Variants in TMEM272 observed in about 807,000 individuals in gnomAD.
TMEM272 encodes long intergenic non-protein coding RNA 282.
In TMEM272, 8 loss-of-function variants were observed where a neutral mutation model predicts 3.7. The observed-to-expected ratio is 2.17, with a 90% CI of 1.27 to 3.91. The LOEUF is 3.91. TMEM272 is among the 30% of genes most tolerant of loss of function. The pLI is 0.00. For missense variants in TMEM272, 166 were observed against 91.5 expected, an observed-to-expected ratio of 1.81 and a Z score of -3.32; for synonymous variants, 63 against 39.8, an observed-to-expected ratio of 1.58 and a Z score of -2.20.
At chr13:51,842,690 G>A (rs1956272744) in intron 1 of TMEM272, among the ~76,000 whole-genome samples, 1 of 152,168 alleles carries the variant, frequency 6.6e-6, no homozygotes, top group African/African-American at 2.4e-5. Flanking sequence ...TTACATGGTT[G>A]CAATAATCAG....
chr13:51,898,323 T>C, the TMEM272 span, among the ~76,000 whole-genome samples: 2 of 152,146 alleles, frequency 1.3e-5, no homozygotes, highest in Admixed American at 6.5e-5. Flanking sequence ...CCTGGGGATT[T>C]TTCTCCTGAC....
the TMEM272 span, among the ~76,000 whole-genome samples, chr13:51,903,942 C>CGTGTGTGTGTGTGTGTGTGT: frequency 0.25 from 33,447 of 136,232 alleles, 4,934 homozygotes; most frequent in Middle Eastern, 0.32. Context: ...CAGTCTTCCA[C>CGTGTGTGTGTGTGTGTGTGT]GTGTGTGTGT....
chr13:51,871,608 A>G, the TMEM272 span, among the ~76,000 whole-genome samples: 2 of 152,064 alleles, frequency 1.3e-5, no homozygotes, highest in African/African-American at 4.8e-5. Context: ...GAACCTCCAG[A>G]CTGAGCCAGA....
At chr13:51,858,074 G>A in the TMEM272 span, among the ~76,000 whole-genome samples, 1 of 152,150 alleles carries the variant, frequency 6.6e-6, no homozygotes, top group Non-Finnish European at 1.5e-5. Flanking sequence ...TGTAAAATAT[G>A]CATGTATCTA....
chr13:51,839,508 G>A (rs2139585789), intron 1 of TMEM272, among the ~76,000 whole-genome samples: 1 of 152,274 alleles, frequency 6.6e-6, no homozygotes, highest in East Asian at 1.9e-4. Flanking sequence ...CCAGGAACCT[G>A]TCCAGAGTAG....
At chr13:51,903,768 C>T in the TMEM272 span, among the ~76,000 whole-genome samples, 25,878 of 152,064 alleles carry the variant, frequency 0.17, 2,386 homozygotes, top group Middle Eastern at 0.26. Context: ...CCCCAGAATG[C>T]CCAAACTTTA....
chr13:51,867,492 G>A, the TMEM272 span, among the ~76,000 whole-genome samples: 3 of 152,138 alleles, frequency 2.0e-5, no homozygotes, highest in Non-Finnish European at 4.4e-5. Context: ...GAGCTAGGGA[G>A]AGGAGAGGAC....
chr13:51,911,300 A>C, the TMEM272 span, among the ~76,000 whole-genome samples: 15 of 152,204 alleles, frequency 9.9e-5, no homozygotes, highest in Admixed American at 9.8e-4. Context: ...AACTCCTTCC[A>C]GGAAAGGGCT....
the TMEM272 span, among the ~76,000 whole-genome samples, chr13:51,864,823 A>G: frequency 2.8e-4 from 42 of 151,882 alleles, no homozygotes; most frequent in Non-Finnish European, 5.1e-4. Flanking sequence ...ATCGTCTCTC[A>G]CCTTTTTGTT....
Position 51,816,776 on chromosome 13 carries a change from C to G in TMEM272, c.539G>C (p.Trp180Ser). 1 of 700,348 alleles carries G rather than the reference C, an allele frequency of 1.4e-6. No individual in the cohort carries two copies. 43.4% of individuals were successfully genotyped at this position (700,348 alleles called of 1,614,324 possible). Residue 180 changes from tryptophan to serine, a missense_variant, in exon 5 of 5, where the codon TGG becomes TCG. Physicochemically the swap from Trp to Ser is radical, Grantham distance 177. Coordinates refer to ENST00000629372, the MANE Select transcript of TMEM272 (RefSeq NM_001351003.2). ...CSGCVYLCSR[W>S]RLAADED ...TCAGTCTTCATCGGCAGCAAGTCTC[C>G]ACCTGGAGCACAGGTAGACACAGCC... is the stretch of plus-strand genomic sequence containing the variant.
chr13:51,845,918 G>A (rs143849616), upstream of TMEM272, among the ~76,000 whole-genome samples: 17 of 152,316 alleles, frequency 1.1e-4, no homozygotes, highest in Middle Eastern at 3.4e-3. Flanking sequence ...AGAAACTGGC[G>A]TCACATGACT....
chr13:51,877,109 A>G, the TMEM272 span, among the ~76,000 whole-genome samples: 1 of 152,222 alleles, frequency 6.6e-6, no homozygotes, highest in African/African-American at 2.4e-5. Flanking sequence ...GATAGAAAAC[A>G]AGTAGCTTGG....
chr13:51,833,139 G>C (rs1566347442), intron 2 of TMEM272, among the ~76,000 whole-genome samples: 1 of 152,246 alleles, frequency 6.6e-6, no homozygotes, highest in East Asian at 1.9e-4. Flanking sequence ...AAGCCCAGAG[G>C]AAACAAAAGA....
rs1195449874 is a variant in TMEM272, at chr13:51,844,621, T to C, written c.-24+395A>G. Among the ~76,000 whole-genome samples the C allele has an allele frequency of 2.6e-5, 4 of 152,138 alleles. No individual in the cohort carries two copies. In the East Asian group the frequency reaches 7.7e-4, roughly 29 times the overall value. Reference sequence around the variant, plus strand: ...GGCTCCTAGGAAATGAAAAATGCACTTCCTTTGAGCTCTACCACCCCTTTA... The same window carrying C: ...GGCTCCTAGGAAATGAAAAATGCACCTCCTTTGAGCTCTACCACCCCTTTA... On this transcript the variant is annotated intron_variant, in intron 1 of 4. Transcript: ENST00000629372.
the TMEM272 span, among the ~76,000 whole-genome samples, chr13:51,927,205 T>C: frequency 6.6e-6 from 1 of 152,166 alleles, no homozygotes; most frequent in East Asian, 1.9e-4. Context: ...AAAACACCCA[T>C]ATTCCTCCAA....
At chr13:51,863,783 G>A in the TMEM272 span, among the ~76,000 whole-genome samples, 3 of 151,884 alleles carry the variant, frequency 2.0e-5, no homozygotes, top group Non-Finnish European at 2.9e-5. Context: ...AGAAAGCCCT[G>A]AAAATTTCCC....
the TMEM272 span, among the ~76,000 whole-genome samples, chr13:51,925,422 C>T: frequency 6.6e-6 from 1 of 152,174 alleles, no homozygotes; most frequent in African/African-American, 2.4e-5. Context: ...ATTCTTAGAA[C>T]AGATGCTACC....
chr13:51,926,953 T>C, the TMEM272 span, among the ~76,000 whole-genome samples: 1 of 152,082 alleles, frequency 6.6e-6, no homozygotes, highest in African/African-American at 2.4e-5. Context: ...AAAGATTAAC[T>C]AGAGATTGGT....
intron 3 of TMEM272, among the ~76,000 whole-genome samples, chr13:51,823,800 C>T (rs966474986): frequency 2.0e-5 from 3 of 152,184 alleles, no homozygotes; most frequent in Non-Finnish European, 2.9e-5. Flanking sequence ...ATGACTACAC[C>T]ATATTCCATT....
Sources: gnomAD v4.1 joint callset for allele counts (sites outside exome capture counted in the v4.1 genomes callset) on GRCh38, gnomAD v4.1.1 for gene constraint, MANE v1.5 for transcripts, NCBI Gene and HGNC (gene_info 2026-07-23, HGNC 2026-07-21) for gene names.